The following DDR2 variants were observed in gnomAD, a reference collection of about 807,000 sequenced individuals.
DDR2 encodes discoidin domain-containing receptor 2.
A neutral mutation model predicts 94.9 loss-of-function variants in DDR2; 27 were observed. The observed-to-expected ratio is 0.28, with a 90% CI of 0.21 to 0.39. DDR2 has a LOEUF of 0.39. Ranked by LOEUF, DDR2 falls within the 10% of genes least tolerant of loss-of-function variation. The pLI, the probability that DDR2 is intolerant of heterozygous loss-of-function variation, is 1.00. For synonymous variants in DDR2, 382 were observed against 377.2 expected (o/e 1.01, Z -0.15); for missense variants, 783 against 1,076.0 (o/e 0.73, Z 3.81).
intron 3 of DDR2, among the ~76,000 whole-genome samples, chr1:162,750,331 G>C (rs1413204454): frequency 6.6e-6 from 1 of 152,138 alleles, no homozygotes; most frequent in Non-Finnish European, 1.5e-5. Context: ...AAAATCACAA[G>C]CATTCCTATA....
chr1:162,763,558 A>ATAAC (rs1366710283), intron 9 of DDR2, among the ~76,000 whole-genome samples: 11 of 152,052 alleles, frequency 7.2e-5, no homozygotes, highest in Admixed American at 7.2e-4. Context: ...GAAGCCTTTG[A>ATAAC]TAACTTTCTT....
In DDR2 at chr1:162,655,322, G is replaced by C. The variant is rs1409173413; in HGVS notation, c.-80G>C. 1.3e-5 allele frequency: 2 copies of C among 152,214 alleles called. No homozygotes were observed. Among genetic ancestry groups the C allele is most frequent in the African/African-American group, 4.8e-5 (2 of 41,458 alleles). 9.4% of individuals were successfully genotyped at this position (152,214 alleles called of 1,614,324 possible). The stretch of plus-strand genomic sequence containing the variant: ...CTGAAATAATTGAAGAGAAGCAGAG[G>C]CCAGCTGTTTTTGAGGATCCTGCTC... On this transcript the variant is annotated 5_prime_UTR_variant, in exon 2 of 18. Coordinates refer to ENST00000367921, the MANE Select transcript of DDR2 (RefSeq NM_006182.4).
At chr1:162,654,994 A>C (rs2101908583) in intron 1 of DDR2, among the ~76,000 whole-genome samples, 1 of 152,310 alleles carries the variant, frequency 6.6e-6, no homozygotes, top group Middle Eastern at 3.4e-3. Context: ...ATACACAATA[A>C]ATTTCAAATT....
chr1:162,770,949 C>T (rs144125853), intron 12 of DDR2, among the ~76,000 whole-genome samples: 42 of 152,144 alleles, frequency 2.8e-4, no homozygotes, highest in African/African-American at 9.4e-4. Flanking sequence ...AAAGACATTC[C>T]AAAATTCCCA....
rs1660958070 is a variant in DDR2, at chr1:162,712,360, ATG to A, written c.-27-6673_-27-6672del. 4.0e-5 allele frequency among the ~76,000 whole-genome samples: 6 copies of A among 151,696 alleles called. No homozygotes were observed. In the South Asian group the frequency reaches 1.3e-3, roughly 32 times the overall value. On this transcript the variant is annotated intron_variant, in intron 2 of 17. Coordinates refer to ENST00000367921, the MANE Select transcript of DDR2 (RefSeq NM_006182.4). ...CCCTTTCACCATGATTTGGCCCTGA[ATG>A]TGTCTCAGAAAAAGGCTTTTAGAAG...
intron 3 of DDR2, among the ~76,000 whole-genome samples, chr1:162,732,940 A>T (rs1662128980): frequency 6.6e-6 from 1 of 152,232 alleles, no homozygotes; most frequent in South Asian, 2.1e-4. Flanking sequence ...GCCAGGCCCT[A>T]CCAGAGCTTG....
intron 1 of DDR2, among the ~76,000 whole-genome samples, chr1:162,633,951 C>G (rs1038596351): frequency 6.6e-6 from 1 of 152,142 alleles, no homozygotes; most frequent in African/African-American, 2.4e-5. Context: ...CTTAGAGAAG[C>G]GAAATGAGTT....
intron 2 of DDR2, among the ~76,000 whole-genome samples, chr1:162,656,836 T>TTG (rs1558008752): frequency 1.8e-5 from 2 of 108,810 alleles, no homozygotes; most frequent in African/African-American, 6.9e-5. Context: ...CACTGGAGTT[T>TTG]TTTTTTTTTT....
intron 3 of DDR2, among the ~76,000 whole-genome samples, chr1:162,732,635 C>A (rs951573456): frequency 3.9e-5 from 6 of 152,248 alleles, no homozygotes; most frequent in Non-Finnish European, 8.8e-5. Flanking sequence ...AGATTGTAGA[C>A]TGGCTTGAGA....
At chr1:162,719,256 T>G in intron 3 of DDR2, 111 bp downstream of exon 3, 3 of 1,564,164 alleles carry the variant, frequency 1.9e-6, no homozygotes, top group Non-Finnish European at 2.6e-6. Context: ...AAGCTCTTTC[T>G]TTTTAAATCT....
intron 3 of DDR2, among the ~76,000 whole-genome samples, chr1:162,732,129 G>C (rs184006852): frequency 6.6e-6 from 1 of 152,298 alleles, no homozygotes; most frequent in African/African-American, 2.4e-5. Context: ...AGTATTTTGG[G>C]CTTCCAGGAA....
chr1:162,770,609 T>C (rs1473637240), intron 12 of DDR2, 97 bp downstream of exon 12: 1 of 1,185,966 alleles, frequency 8.4e-7, no homozygotes, highest in Non-Finnish European at 1.2e-6. Context: ...CATCTATTTT[T>C]AGTCTCTGCT....
chr1:162,751,633 A>C (rs1421203113), intron 3 of DDR2, among the ~76,000 whole-genome samples: 18 of 152,232 alleles, frequency 1.2e-4, no homozygotes, highest in Admixed American at 1.0e-3. Context: ...TTGACCCAGC[A>C]ATCCCATTAC....
At chr1:162,739,846 G>A (rs1007110003) in intron 3 of DDR2, among the ~76,000 whole-genome samples, 1 of 151,958 alleles carries the variant, frequency 6.6e-6, no homozygotes, top group Admixed American at 6.6e-5. Context: ...TGGGATATGG[G>A]AATATTTTTA....
chr1:162,756,619 C>T (rs894174190), intron 7 of DDR2, among the ~76,000 whole-genome samples: 2 of 152,102 alleles, frequency 1.3e-5, no homozygotes, highest in African/African-American at 4.8e-5. Flanking sequence ...GTTGACAGGG[C>T]TCGAGAGAAG....
chr1:162,731,494 T>C (rs1395413442), intron 3 of DDR2, among the ~76,000 whole-genome samples: 1 of 152,224 alleles, frequency 6.6e-6, no homozygotes, highest in Non-Finnish European at 1.5e-5. Context: ...AAATAATACC[T>C]AACTTTATTG....
rs34869543 is a variant in DDR2, at chr1:162,770,440, C to T, written c.1432C>T (p.Arg478Cys). 231 of 1,614,116 alleles carry T rather than the reference C, an allele frequency of 1.4e-4. No homozygotes were observed. The highest frequency in any genetic ancestry group is 1.7e-4 in the Non-Finnish European group (203 of 1,180,024). ...GACTTACGATCGCATCTTTCCCCTT[C>T]GCCCTGACTACCAGGAGCCATCCAG... ...NSTYDRIFPL[R>C]PDYQEPSRLI... Residue 478 changes from arginine (R) to cysteine (C), a missense_variant, in exon 12 of 18, where the codon CGC becomes TGC. Physicochemically the swap from Arg to Cys is radical, Grantham distance 180. This residue lies in a region of DDR2 where 519 missense variants were observed against 647.9 expected (regional missense o/e 0.80). Transcript: ENST00000367921.
intron 17 of DDR2, 49 bp downstream of exon 17, chr1:162,778,778 A>T (rs2102207688): frequency 6.2e-7 from 1 of 1,612,632 alleles, no homozygotes; most frequent in Non-Finnish European, 8.5e-7. Context: ...ACCTTGAAGG[A>T]TGGAGAATGG....
intron 3 of DDR2, chr1:162,741,761 C>A: frequency 1.0e-6 from 1 of 985,306 alleles, no homozygotes; most frequent in Non-Finnish European, 1.2e-6. Context: ...TCCTAAATGC[C>A]AATGTGAGCG....
Sources: gnomAD v4.1 joint callset for allele counts (sites outside exome capture counted in the v4.1 genomes callset) on GRCh38, gnomAD v4.1.1 for gene constraint, gnomAD v4.1.1 regional missense constraint, MANE v1.5 for transcripts, NCBI Gene and HGNC (gene_info 2026-07-23, HGNC 2026-07-21) for gene names.